Variants in LDLRAD4 observed in about 807,000 individuals in gnomAD.
LDLRAD4 encodes low density lipoprotein receptor class A domain containing 4.
LDLRAD4 carries 5 observed loss-of-function variants against 17.0 expected under a neutral mutation model. That is an observed-to-expected ratio of 0.29 (90% confidence interval 0.15 to 0.62). The LOEUF (loss-of-function observed/expected upper bound fraction) is 0.62, where lower values mean the gene tolerates loss of function less well. Among genes scored for constraint, LDLRAD4 ranks in the 20% least tolerant of loss-of-function variants. The pLI is 0.84. For missense variants in LDLRAD4, 340 were observed against 424.7 expected, an observed-to-expected ratio of 0.80 and a Z score of 1.75; for synonymous variants, 168 against 171.8, an observed-to-expected ratio of 0.98 and a Z score of 0.17.
upstream of LDLRAD4, among the ~76,000 whole-genome samples, chr18:13,218,580 T>G (rs1406921795): frequency 6.6e-6 from 1 of 152,012 alleles, no homozygotes; most frequent in Non-Finnish European, 1.5e-5. Context: ...CCGGGGAGTT[T>G]GCGGGAAGGA....
At chr18:13,543,853 AC>A (rs1180891122) in intron 3 of LDLRAD4, among the ~76,000 whole-genome samples, 1 of 152,214 alleles carries the variant, frequency 6.6e-6, no homozygotes, top group Non-Finnish European at 1.5e-5. Flanking sequence ...CAACGGGGCT[AC>A]CTGTTGAGCC....
intron 3 of LDLRAD4, among the ~76,000 whole-genome samples, chr18:13,581,221 G>A (rs551029423): frequency 3.0e-4 from 45 of 152,316 alleles, no homozygotes; most frequent in African/African-American, 1.0e-3. Context: ...GGAGGTCAGT[G>A]GTGGACTATT....
intron 1 of LDLRAD4, among the ~76,000 whole-genome samples, chr18:13,373,032 T>C (rs1039448491): frequency 6.6e-6 from 1 of 152,252 alleles, no homozygotes; most frequent in Non-Finnish European, 1.5e-5. Flanking sequence ...TCTCGCAGAC[T>C]AACAGATTTC....
intron 1 of LDLRAD4, among the ~76,000 whole-genome samples, chr18:13,246,069 T>C (rs1007576913): frequency 6.6e-6 from 1 of 152,264 alleles, no homozygotes; most frequent in African/African-American, 2.4e-5. Context: ...AAAAATGGAT[T>C]CAATGTGTGA....
chr18:13,596,407 T>C (rs527876755), intron 3 of LDLRAD4, among the ~76,000 whole-genome samples: 118 of 152,324 alleles, frequency 7.7e-4, no homozygotes, highest in African/African-American at 2.6e-3. Context: ...TTTTGTTTCC[T>C]ATATGTCTCA....
At chr18:13,283,101 C>G (rs2045385643) in intron 1 of LDLRAD4, among the ~76,000 whole-genome samples, 1 of 152,182 alleles carries the variant, frequency 6.6e-6, no homozygotes, top group Non-Finnish European at 1.5e-5. Context: ...GGACCCTGGG[C>G]CCAGCCCACA....
At chr18:13,284,172 G>A (rs988129024) in intron 1 of LDLRAD4, among the ~76,000 whole-genome samples, 8 of 152,128 alleles carry the variant, frequency 5.3e-5, no homozygotes, top group Non-Finnish European at 7.4e-5. Context: ...CAGGGATGCC[G>A]AATGCCCTTG....
intron 3 of LDLRAD4, among the ~76,000 whole-genome samples, chr18:13,539,770 C>T (rs2094249600): frequency 6.6e-6 from 1 of 152,140 alleles, no homozygotes; most frequent in Non-Finnish European, 1.5e-5. Context: ...GGGTTAAGCA[C>T]ATTCAACAGG....
chr18:13,567,455 C>A (rs111792239), intron 3 of LDLRAD4, among the ~76,000 whole-genome samples: 1 of 152,200 alleles, frequency 6.6e-6, no homozygotes, highest in Non-Finnish European at 1.5e-5. Flanking sequence ...CACCACCCCC[C>A]GCCGCTGCAG....
At chr18:13,571,306 T>C (rs2094687221) in intron 3 of LDLRAD4, among the ~76,000 whole-genome samples, 1 of 152,224 alleles carries the variant, frequency 6.6e-6, no homozygotes, top group South Asian at 2.1e-4. Context: ...AGCCACTAAG[T>C]TCAGCACAGC....
chr18:13,252,217 T>C (rs1248126695), intron 1 of LDLRAD4, among the ~76,000 whole-genome samples: 2 of 152,266 alleles, frequency 1.3e-5, no homozygotes, highest in East Asian at 1.9e-4. Context: ...CTCCACCTCC[T>C]GGGTTCAAGC....
chr18:13,612,614 C>G, intron 3 of LDLRAD4: 2 of 1,598,596 alleles, frequency 1.3e-6, no homozygotes, highest in South Asian at 1.1e-5. Context: ...CTCTGAGCTG[C>G]CTGGAGAGGA....
chr18:13,413,796 T>C (rs1600087512), intron 2 of LDLRAD4, among the ~76,000 whole-genome samples: 2 of 151,886 alleles, frequency 1.3e-5, no homozygotes, highest in African/African-American at 4.8e-5. Context: ...CTGGGCGGGG[T>C]GGCACACGCC....
At chr18:13,456,629 G>A (rs2146478235) in intron 3 of LDLRAD4, among the ~76,000 whole-genome samples, 1 of 152,272 alleles carries the variant, frequency 6.6e-6, no homozygotes, top group South Asian at 2.1e-4. Context: ...GTCCCTGAAT[G>A]TCCAGTGCAG....
Position 13,645,293 on chromosome 18 carries a change from C to T in LDLRAD4, c.557C>T (p.Pro186Leu), listed in dbSNP as rs2042960927. The T allele has an allele frequency of 6.2e-7, 1 of 1,614,212 alleles. No individual in the cohort carries two copies. The highest frequency in any genetic ancestry group is 2.2e-5 in the East Asian group (1 of 44,878). Residue 186 changes from proline to leucine, a missense_variant, in exon 6 of 6, where the codon CCC (proline) becomes CTC (leucine). Pro to Leu is a moderately conservative substitution (Grantham distance 98). Transcript: ENST00000359446. The surrounding 1 kb of genome is among the most constrained non-coding windows in gnomAD (Gnocchi z 5.7). ...GAAGAGCCACCTCCTTACCAGGGGCCCTGCACCCTGCAGCTCCGGGACCCT... is the reference window on the plus strand; with the variant it reads ...GAAGAGCCACCTCCTTACCAGGGGCTCTGCACCCTGCAGCTCCGGGACCCT...
At chr18:13,485,279 C>T (rs888927511) in intron 3 of LDLRAD4, among the ~76,000 whole-genome samples, 3 of 152,118 alleles carry the variant, frequency 2.0e-5, no homozygotes, top group African/African-American at 4.8e-5. Flanking sequence ...TTCCACTGAC[C>T]CCACAAAGCC....
chr18:13,557,134 A>G (rs1319596823), intron 3 of LDLRAD4, among the ~76,000 whole-genome samples: 2 of 151,718 alleles, frequency 1.3e-5, no homozygotes, highest in African/African-American at 4.8e-5. Flanking sequence ...TCTTTACAAA[A>G]TTAAAAAAAA....
intron 2 of LDLRAD4, among the ~76,000 whole-genome samples, chr18:13,390,134 A>G (rs1402553783): frequency 6.6e-6 from 1 of 152,180 alleles, no homozygotes; most frequent in Non-Finnish European, 1.5e-5. Context: ...TTGTGCTGAG[A>G]ATACTTTGGC....
intron 3 of LDLRAD4, among the ~76,000 whole-genome samples, chr18:13,577,915 C>T (rs930152774): frequency 1.1e-4 from 16 of 152,146 alleles, no homozygotes; most frequent in South Asian, 2.1e-4. Flanking sequence ...GGGCTTTTCT[C>T]GTGCTATATC....
Sources: allele counts gnomAD v4.1 joint callset (sites outside exome capture counted in the v4.1 genomes callset), GRCh38; gene constraint gnomAD v4.1.1; non-coding constraint Gnocchi (gnomAD v3.1); transcripts MANE v1.5; gene names NCBI Gene and HGNC (gene_info 2026-07-23, HGNC 2026-07-21).